NUDT3: variants seen among roughly 807,000 people sequenced by gnomAD.
The protein encoded by NUDT3 is nudix hydrolase 3.
NUDT3 carries 9 observed loss-of-function variants against 23.6 expected under a neutral mutation model. The observed-to-expected ratio is 0.38, with a 90% CI of 0.23 to 0.66. NUDT3 has a LOEUF of 0.66. NUDT3 is among the 30% of genes least tolerant of loss of function. The pLI, the probability that NUDT3 is intolerant of heterozygous loss-of-function variation, is 0.52. For synonymous variants in NUDT3, 86 were observed against 82.6 expected (o/e 1.04, Z -0.22); for missense variants, 172 against 218.5 (o/e 0.79, Z 1.34).
At chr6:34,293,161 C>T (rs1763448960) in intron 4 of NUDT3, among the ~76,000 whole-genome samples, 1 of 152,166 alleles carries the variant, frequency 6.6e-6, no homozygotes, top group Non-Finnish European at 1.5e-5. Flanking sequence ...CTCCCAAGCA[C>T]AAATGATCTT....
intron 1 of NUDT3, among the ~76,000 whole-genome samples, chr6:34,354,460 C>T (rs1335737042): frequency 2.0e-5 from 3 of 151,338 alleles, no homozygotes; most frequent in African/African-American, 7.3e-5. Flanking sequence ...CAGTGGCTCA[C>T]GCCTGTAATC....
intron 1 of NUDT3, among the ~76,000 whole-genome samples, chr6:34,377,671 G>T (rs1471750375): frequency 6.6e-6 from 1 of 151,726 alleles, no homozygotes; most frequent in African/African-American, 2.4e-5. Context: ...CGTTGCTACT[G>T]AAAATACAAA....
chr6:34,376,043 ATCTATAG>A (rs1024305595), intron 1 of NUDT3, among the ~76,000 whole-genome samples: 1 of 152,082 alleles, frequency 6.6e-6, no homozygotes, highest in African/African-American at 2.4e-5. Flanking sequence ...TCCACACTGT[ATCTATAG>A]TCCTAACTTC....
chr6:34,370,562 C>T (rs1399434184), intron 1 of NUDT3, among the ~76,000 whole-genome samples: 1 of 152,204 alleles, frequency 6.6e-6, no homozygotes, highest in Non-Finnish European at 1.5e-5. Flanking sequence ...GTCAGCCAAA[C>T]AACAGTGTCT....
intron 1 of NUDT3, among the ~76,000 whole-genome samples, chr6:34,385,959 T>TCC (rs1765098219): frequency 6.6e-6 from 1 of 152,204 alleles, no homozygotes; most frequent in Non-Finnish European, 1.5e-5. Flanking sequence ...GCTGGGATTA[T>TCC]AGGCGTGAGC....
intron 2 of NUDT3, among the ~76,000 whole-genome samples, chr6:34,320,278 T>G (rs569931891): frequency 6.6e-6 from 1 of 152,142 alleles, no homozygotes; most frequent in Admixed American, 6.5e-5. Flanking sequence ...TGGGCTGGAG[T>G]GCAGTGCTGT....
chr6:34,287,407 CTG>C lies in NUDT3; in HGVS notation c.*1344_*1345del, dbSNP rs1433514883. The C allele has an allele frequency of 6.6e-6, 1 of 152,166 alleles. No individual in the cohort carries two copies. The highest frequency in any genetic ancestry group is 1.5e-5 in the Non-Finnish European group (1 of 68,034). The allele number at this position is 152,166 out of a possible 1,614,324, so 9.4% of individuals were successfully genotyped here. On this transcript the variant is annotated 3_prime_UTR_variant, in exon 5 of 5. Transcript: ENST00000607016. ...ATTGGCAAATGAAGCCAGCACGAAA[CTG>C]TATCAAAAAACAAGAGAGTCTGCAG...
intron 2 of NUDT3, among the ~76,000 whole-genome samples, chr6:34,297,891 G>A (rs1317871093): frequency 4.1e-5 from 6 of 147,766 alleles, no homozygotes; most frequent in African/African-American, 1.2e-4. Context: ...CACTGCACCC[G>A]GCCCAAGAAA....
At chr6:34,356,938 C>T (rs1403898470) in intron 1 of NUDT3, among the ~76,000 whole-genome samples, 5 of 152,152 alleles carry the variant, frequency 3.3e-5, no homozygotes, top group Admixed American at 1.3e-4. Context: ...CCACCATGCC[C>T]GGCTAATTTT....
At chr6:34,361,572 A>G (rs1183420469) in intron 1 of NUDT3, among the ~76,000 whole-genome samples, 2 of 152,220 alleles carry the variant, frequency 1.3e-5, no homozygotes, top group African/African-American at 4.8e-5. Flanking sequence ...AAACCTGCAC[A>G]TGTATGTTTA....
rs1220893199 is a variant in NUDT3, at chr6:34,280,828, G to A, written c.*7925C>T. 2 of 152,130 alleles carry A rather than the reference G, an allele frequency of 1.3e-5. No homozygotes were observed. The highest frequency in any genetic ancestry group is 3.9e-4 in the East Asian group (2 of 5,188). 9.4% of individuals were successfully genotyped at this position (152,130 alleles called of 1,614,324 possible). On this transcript the variant is annotated 3_prime_UTR_variant, in exon 5 of 5. Transcript: ENST00000607016. The stretch of plus-strand genomic sequence containing the variant: ...GTGATTCCCCAGGGGACTGGTCCCT[G>A]GGTACATGGGTCCCTGGCTCTCTGT...
intron 1 of NUDT3, among the ~76,000 whole-genome samples, chr6:34,371,417 G>A (rs888776577): frequency 7.2e-5 from 11 of 151,830 alleles, no homozygotes; most frequent in Middle Eastern, 3.4e-3. Context: ...AGTGAGCTGA[G>A]ATTGCACCAC....
intron 3 of NUDT3, 88 bp downstream of exon 3, chr6:34,295,553 G>A (rs914994475): frequency 1.1e-5 from 16 of 1,418,450 alleles, no homozygotes; most frequent in South Asian, 3.9e-5. Flanking sequence ...AAAAAAACTC[G>A]CTGAAACAGA....
intron 3 of NUDT3, 152 bp from the exon 4 acceptor site, chr6:34,293,687 A>T (rs1763457680): frequency 1.3e-5 from 11 of 873,804 alleles, no homozygotes; most frequent in Non-Finnish European, 1.9e-5. Flanking sequence ...TAGCTACATG[A>T]TTTAAAGCAG....
At chr6:34,357,562 C>T (rs896313765) in intron 1 of NUDT3, among the ~76,000 whole-genome samples, 4 of 150,954 alleles carry the variant, frequency 2.6e-5, no homozygotes, top group Middle Eastern at 6.4e-3. Context: ...TGCAATGAGC[C>T]GTGATCATCC....
intron 1 of NUDT3, among the ~76,000 whole-genome samples, chr6:34,346,923 T>C (rs1176113500): frequency 6.6e-6 from 1 of 152,106 alleles, no homozygotes; most frequent in Non-Finnish European, 1.5e-5. Context: ...GCTCGGCTAA[T>C]TTTTAAATTT....
intron 1 of NUDT3, among the ~76,000 whole-genome samples, chr6:34,365,054 A>T (rs895919232): frequency 6.6e-6 from 1 of 152,036 alleles, no homozygotes; most frequent in Non-Finnish European, 1.5e-5. Flanking sequence ...AAATAAAAGA[A>T]CCAATCAGTA....
intron 2 of NUDT3, among the ~76,000 whole-genome samples, chr6:34,329,541 A>T (rs1050821697): frequency 6.6e-6 from 1 of 152,166 alleles, no homozygotes; most frequent in African/African-American, 2.4e-5. Context: ...TTGGCCTCCC[A>T]AAGTGCTGAG....
intron 2 of NUDT3, among the ~76,000 whole-genome samples, chr6:34,309,735 A>G (rs976607750): frequency 6.6e-6 from 1 of 152,118 alleles, no homozygotes; most frequent in African/African-American, 2.4e-5. Flanking sequence ...ACAAATTACT[A>G]ATATTAGACA....
Sources: allele counts gnomAD v4.1 joint callset (sites outside exome capture counted in the v4.1 genomes callset), GRCh38; gene constraint gnomAD v4.1.1; transcripts MANE v1.5; gene names NCBI Gene and HGNC (gene_info 2026-07-23, HGNC 2026-07-21).